PTPRT: variants seen among roughly 807,000 people sequenced by gnomAD.
PTPRT encodes protein tyrosine phosphatase receptor type T.
PTPRT carries 56 observed loss-of-function variants against 176.8 expected under a neutral mutation model. That is an observed-to-expected ratio of 0.32 (90% CI 0.26 to 0.40). The LOEUF (loss-of-function observed/expected upper bound fraction) is 0.40. Ranked by LOEUF, PTPRT falls within the 10% of genes least tolerant of loss-of-function variation. The pLI is 1.00. For missense variants in PTPRT, 1,540 were observed against 1,908.2 expected (o/e 0.81, Z 3.60); for synonymous variants, 783 against 739.0 (o/e 1.06, Z -0.96).
chr20:42,759,555 A>G (rs11906924), intron 5 of PTPRT, among the ~76,000 whole-genome samples: 6,507 of 152,280 alleles, frequency 0.043, 438 homozygotes, highest in African/African-American at 0.15. Context: ...AGATGGAGCA[A>G]GACATTGAAG....
rs1436348958 is a variant in PTPRT, at chr20:42,626,752, G to C, written c.1153+51114C>G. ...TCATGGTGCATCAGGGCTGAGAGTT[G>C]AATCTGTACAATAGCCCAGGCCATG... On this transcript the variant is annotated intron_variant, in intron 7 of 30. Transcript: ENST00000373187. Among the ~76,000 whole-genome samples the C allele has an allele frequency of 2.0e-5, 3 of 152,176 alleles. 1 individual carries two copies. Among genetic ancestry groups the C allele is most frequent in the Non-Finnish European group, 4.4e-5 (3 of 68,038 alleles).
At chr20:42,689,077 G>A (rs2206429) in intron 6 of PTPRT, among the ~76,000 whole-genome samples, 74,252 of 151,960 alleles carry the variant, frequency 0.49, 20,725 homozygotes, top group African/African-American at 0.78. Context: ...TCCCCAGTAA[G>A]GGCCCCACCC....
intron 19 of PTPRT, 115 bp from the exon 20 acceptor site, chr20:42,120,086 G>C (rs1379102078): frequency 5.7e-6 from 5 of 880,420 alleles, no homozygotes; most frequent in Admixed American, 2.5e-5. Context: ...AATGAGAACA[G>C]CATCAGTTAT....
intron 7 of PTPRT, among the ~76,000 whole-genome samples, chr20:42,603,721 G>A (rs2073823390): frequency 6.6e-6 from 1 of 152,218 alleles, no homozygotes; most frequent in Middle Eastern, 3.2e-3. Flanking sequence ...GGAACCTGGA[G>A]ATTGTGATAA....
At chr20:42,409,520 T>TAAAAAAAAAAA (rs2058993773) in intron 9 of PTPRT, among the ~76,000 whole-genome samples, 1 of 123,150 alleles carries the variant, frequency 8.1e-6, no homozygotes, top group African/African-American at 3.3e-5. Flanking sequence ...AAAAAAAAAG[T>TAAAAAAAAAAA]ATTATTTATA....
At chr20:42,107,868 G>C in intron 23 of PTPRT, among the ~76,000 whole-genome samples, 1 of 152,192 alleles carries the variant, frequency 6.6e-6, no homozygotes, top group South Asian at 2.1e-4. Context: ...AGGCCAGTGC[G>C]GACCACTACC....
At chr20:42,371,541 C>T (rs2058587017) in intron 9 of PTPRT, among the ~76,000 whole-genome samples, 1 of 152,208 alleles carries the variant, frequency 6.6e-6, no homozygotes, top group African/African-American at 2.4e-5. Context: ...GCAACACACA[C>T]AAAAGGGCCA....
chr20:42,236,817 C>T (rs1027353157), intron 14 of PTPRT, among the ~76,000 whole-genome samples: 3 of 152,096 alleles, frequency 2.0e-5, no homozygotes. Flanking sequence ...CCCAAGATGG[C>T]TCCCCAGTGA....
chr20:42,990,725 T>C (rs1983862027), intron 1 of PTPRT, among the ~76,000 whole-genome samples: 2 of 152,220 alleles, frequency 1.3e-5, no homozygotes, highest in Admixed American at 1.3e-4. Flanking sequence ...GGTACTGTCA[T>C]GGTTTCAGAA....
chr20:43,134,323 G>A (rs533965187), intron 1 of PTPRT, among the ~76,000 whole-genome samples: 5 of 152,332 alleles, frequency 3.3e-5, no homozygotes, highest in Non-Finnish European at 7.3e-5. Flanking sequence ...GTACTTCCTT[G>A]TAAAATCCAG....
intron 1 of PTPRT, among the ~76,000 whole-genome samples, chr20:43,127,374 G>C (rs2013484696): frequency 6.8e-6 from 1 of 147,808 alleles, no homozygotes; most frequent in Non-Finnish European, 1.5e-5. Context: ...AGTGAGCCGA[G>C]ATCTTGCCAC....
intron 6 of PTPRT, chr20:42,688,420 C>G (rs1240742968): frequency 2.6e-5 from 4 of 152,244 alleles, no homozygotes; most frequent in Non-Finnish European, 5.9e-5. Context: ...CATAACCCCT[C>G]CTATTCCATT....
intron 7 of PTPRT, among the ~76,000 whole-genome samples, chr20:42,665,001 A>T (rs904492593): frequency 1.3e-5 from 2 of 152,354 alleles, no homozygotes; most frequent in East Asian, 3.9e-4. Context: ...AAACCCTAGA[A>T]GAAAACCTAG....
intron 7 of PTPRT, among the ~76,000 whole-genome samples, chr20:42,586,062 T>G (rs1015261623): frequency 6.6e-6 from 1 of 152,190 alleles, no homozygotes; most frequent in Non-Finnish European, 1.5e-5. Flanking sequence ...GTGTGTTCAG[T>G]GAATCAAATT....
intron 7 of PTPRT, among the ~76,000 whole-genome samples, chr20:42,602,352 T>A (rs1418085148): frequency 1.3e-5 from 2 of 152,128 alleles, no homozygotes; most frequent in African/African-American, 4.8e-5. Flanking sequence ...ACTAGATTGT[T>A]CTTAGGAACC....
intron 13 of PTPRT, among the ~76,000 whole-genome samples, chr20:42,257,854 G>A (rs944953314): frequency 2.0e-5 from 3 of 151,694 alleles, no homozygotes; most frequent in African/African-American, 7.3e-5. Context: ...ATAGCAATGT[G>A]GGAATGAACT....
intron 22 of PTPRT, among the ~76,000 whole-genome samples, chr20:42,112,240 C>T (rs1351841044): frequency 6.6e-6 from 1 of 152,200 alleles, no homozygotes; most frequent in East Asian, 1.9e-4. Flanking sequence ...TTGGTGCCCA[C>T]TCAGATCCCC....
intron 2 of PTPRT, among the ~76,000 whole-genome samples, chr20:42,853,293 G>A (rs1158585304): frequency 6.6e-6 from 1 of 152,166 alleles, no homozygotes; most frequent in African/African-American, 2.4e-5. Context: ...TATATAAGAG[G>A]AGACTTATGG....
At position 42,767,346 on chromosome 20, in the gene PTPRT, A is replaced by T. The variant is rs144298276; in HGVS notation, c.684+4089T>A. ...CATCCAATCTTTGGAAGAATAGAAC[A>T]GAAAAGCAGGGGAAGAAGAGTTTGC... On this transcript the variant is annotated intron_variant, in intron 5 of 30. Transcript: ENST00000373187. Among the ~76,000 whole-genome samples, 26 of 152,288 alleles carry T rather than the reference A, an allele frequency of 1.7e-4. No individual in the cohort carries two copies. In the East Asian group the frequency reaches 2.9e-3, roughly 17 times the overall value.
Sources: gnomAD v4.1 joint callset for allele counts (sites outside exome capture counted in the v4.1 genomes callset) on GRCh38, gnomAD v4.1.1 for gene constraint, MANE v1.5 for transcripts, NCBI Gene and HGNC (gene_info 2026-07-23, HGNC 2026-07-21) for gene names.